The following THSD4 variants were observed in gnomAD, a reference collection of about 807,000 sequenced individuals.
THSD4 encodes the protein thrombospondin type-1 domain-containing protein 4.
A neutral mutation model predicts 119.0 loss-of-function variants in THSD4; 69 were observed. That is an observed-to-expected ratio of 0.58 (90% CI 0.48 to 0.71). THSD4 has a LOEUF of 0.71. Among genes scored for constraint, THSD4 ranks in the 30% least tolerant of loss-of-function variants. The pLI is 0.00. For missense variants in THSD4, 1,393 were observed against 1,391.1 expected (o/e 1.00, Z -0.02); for synonymous variants, 524 against 540.4 (o/e 0.97, Z 0.42).
At chr15:71,557,066 C>T (rs59092451) in intron 7 of THSD4, among the ~76,000 whole-genome samples, 50,580 of 152,068 alleles carry the variant, frequency 0.33, 10,270 homozygotes, top group South Asian at 0.48. Context: ...TCCTGATTTG[C>T]TCAAGAGAAC....
chr15:71,195,366 G>C (rs975012549), intron 3 of THSD4, among the ~76,000 whole-genome samples: 2 of 152,186 alleles, frequency 1.3e-5, no homozygotes, highest in Admixed American at 1.3e-4. Flanking sequence ...AGAGTGGTTT[G>C]GGATGGCAGA....
At chr15:71,259,262 G>C (rs2044361344) in intron 6 of THSD4, among the ~76,000 whole-genome samples, 1 of 152,172 alleles carries the variant, frequency 6.6e-6, no homozygotes, top group Non-Finnish European at 1.5e-5. Flanking sequence ...GCTAGGCAGA[G>C]ACAAGGAAGC....
intron 7 of THSD4, among the ~76,000 whole-genome samples, chr15:71,491,824 G>A (rs1248399038): frequency 6.6e-6 from 1 of 152,106 alleles, no homozygotes; most frequent in African/African-American, 2.4e-5. Context: ...AGCTGTGATT[G>A]TGCCACTGCA....
In THSD4 at chr15:71,207,401, C is replaced by T. The variant is rs527525580; in HGVS notation, c.100-7634C>T. 1.2e-3 allele frequency among the ~76,000 whole-genome samples: 185 copies of T among 152,356 alleles called. 1 individual carries two copies. Among genetic ancestry groups the T allele is most frequent in the African/African-American group, 4.3e-3 (177 of 41,586 alleles). On this transcript the variant is annotated intron_variant, in intron 3 of 17. Transcript: ENST00000261862. The stretch of plus-strand genomic sequence containing the variant: ...TGAGGCTTCTGCCAAGTCCAGACCA[C>T]CTCCCTCTTCCAGCCTTTGCTCGTT...
rs556432105 is a variant in THSD4, at chr15:71,353,747, A to C, written c.1016-57940A>C. ...TCCCGACTATTTCAATGCCGGGATG[A>C]TAAAATCCCAGCTTCTTTGCATGGG... On this transcript the variant is annotated intron_variant, in intron 6 of 17. Transcript: ENST00000261862. Among the ~76,000 whole-genome samples the C allele has an allele frequency of 3.9e-5, 6 of 152,338 alleles. No homozygotes were observed. The South Asian group carries it at 1.0e-3, about 26-fold the overall frequency.
At chr15:71,263,285 A>G (rs915049517) in intron 6 of THSD4, among the ~76,000 whole-genome samples, 7 of 147,614 alleles carry the variant, frequency 4.7e-5, no homozygotes, top group Non-Finnish European at 1.0e-4. Context: ...GTGTCCCTGC[A>G]AAGGACATAA....
intron 7 of THSD4, among the ~76,000 whole-genome samples, chr15:71,599,641 C>A (rs1161284703): frequency 6.6e-6 from 1 of 152,176 alleles, no homozygotes; most frequent in Non-Finnish European, 1.5e-5. Flanking sequence ...TATGTGCTCC[C>A]CTGGCAAGGC....
chr15:71,269,010 T>G (rs1389716709), intron 6 of THSD4, among the ~76,000 whole-genome samples: 1 of 152,136 alleles, frequency 6.6e-6, no homozygotes, highest in African/African-American at 2.4e-5. Flanking sequence ...CCATACGGAT[T>G]CACAGGCAAA....
At chr15:71,553,270 C>T (rs149353247) in intron 7 of THSD4, among the ~76,000 whole-genome samples, 384 of 152,002 alleles carry the variant, frequency 2.5e-3, no homozygotes, top group African/African-American at 9.1e-3. Flanking sequence ...CTAGAACTTC[C>T]AGAATACAGT....
intron 6 of THSD4, among the ~76,000 whole-genome samples, chr15:71,389,826 T>C (rs1273250450): frequency 6.9e-6 from 1 of 144,168 alleles, no homozygotes; most frequent in Non-Finnish European, 1.5e-5. Context: ...TTTTTTTTTT[T>C]TGACACAGAG....
At chr15:71,504,088 G>A (rs2048154522) in intron 7 of THSD4, among the ~76,000 whole-genome samples, 1 of 152,164 alleles carries the variant, frequency 6.6e-6, no homozygotes, top group Admixed American at 6.5e-5. Context: ...GGAAAGTGAA[G>A]GCTTTTCAAA....
At chr15:71,589,999 A>G (rs1260936604) in intron 7 of THSD4, among the ~76,000 whole-genome samples, 1 of 139,880 alleles carries the variant, frequency 7.1e-6, no homozygotes. Flanking sequence ...AAAATGTAAA[A>G]CAATACCATC....
intron 7 of THSD4, among the ~76,000 whole-genome samples, chr15:71,592,176 G>A (rs2140875286): frequency 6.6e-6 from 1 of 152,340 alleles, no homozygotes; most frequent in Admixed American, 6.5e-5. Flanking sequence ...ACATTTCTAA[G>A]CCAACATGTG....
chr15:71,373,890 C>T (rs1055637129), intron 6 of THSD4, among the ~76,000 whole-genome samples: 2 of 152,168 alleles, frequency 1.3e-5, no homozygotes, highest in Admixed American at 6.5e-5. Context: ...GCATGATGGT[C>T]CCTGAGAATT....
At chr15:71,502,750 G>A (rs1209356954) in intron 7 of THSD4, among the ~76,000 whole-genome samples, 1 of 152,160 alleles carries the variant, frequency 6.6e-6, no homozygotes, top group African/African-American at 2.4e-5. Context: ...ATCATCTCAG[G>A]CTGCTGTACC....
intron 7 of THSD4, among the ~76,000 whole-genome samples, chr15:71,455,693 C>G (rs946053570): frequency 1.3e-5 from 2 of 152,166 alleles, no homozygotes; most frequent in East Asian, 3.9e-4. Context: ...CCAGATGAAC[C>G]CCAATTTGGC....
intron 4 of THSD4, among the ~76,000 whole-genome samples, chr15:71,215,777 C>G (rs540350391): frequency 6.6e-6 from 1 of 152,030 alleles, no homozygotes; most frequent in East Asian, 1.9e-4. Context: ...GGACACAAGA[C>G]GAGAAGAAGT....
Position 71,765,154 on chromosome 15 carries a change from C to T in THSD4, c.2724C>T (p.His908=). Residue 908 remains histidine, a synonymous_variant, in exon 16 of 18, where the codon CAC becomes CAT. Coordinates refer to ENST00000261862, the MANE Select transcript of THSD4 (RefSeq NM_024817.3). ...LEKPPSQQSC[H]LKPCGAKWFS... ...AACCCCCCAGCCAGCAATCCTGCCA[C>T]CTCAAGCCTTGCGGAGCCAAATGGT... 1 of 1,614,264 alleles carries T rather than the reference C, an allele frequency of 6.2e-7. No homozygotes were observed. Among genetic ancestry groups the T allele is most frequent in the Non-Finnish European group, 8.5e-7 (1 of 1,180,050 alleles).
At chr15:71,115,201 A>C (rs1596204833), upstream of THSD4, 1 of 152,886 alleles carries the variant, frequency 6.5e-6, no homozygotes, top group Non-Finnish European at 1.5e-5. The surrounding 1 kb of genome is among the most constrained non-coding windows in gnomAD (Gnocchi z 4.4). Flanking sequence ...CACTTAGACG[A>C]CCCTGGCCAG....
Sources: gnomAD v4.1 joint callset for allele counts (sites outside exome capture counted in the v4.1 genomes callset) on GRCh38, gnomAD v4.1.1 for gene constraint, Gnocchi (gnomAD v3.1) non-coding constraint, MANE v1.5 for transcripts, NCBI Gene and HGNC (gene_info 2026-07-23, HGNC 2026-07-21) for gene names.